PARG: variants seen among roughly 807,000 people sequenced by gnomAD.
The protein encoded by PARG is poly(ADP-ribose) glycohydrolase, also known as mitochondrial poly(ADP-ribose) glycohydrolase.
PARG carries 35 observed loss-of-function variants against 113.0 expected under a neutral mutation model. That is an observed-to-expected ratio of 0.31 (90% CI 0.24 to 0.41). The LOEUF (loss-of-function observed/expected upper bound fraction) is 0.41, where lower values mean the gene tolerates loss of function less well. Ranked by LOEUF, PARG falls within the 10% of genes least tolerant of loss-of-function variation. The probability of loss-of-function intolerance (pLI) is 1.00; values close to 1 mark genes in which losing one functional copy is unlikely to be tolerated. For missense variants in PARG, 797 were observed against 1,169.4 expected, an observed-to-expected ratio of 0.68 and a Z score of 4.64; for synonymous variants, 330 against 409.9, an observed-to-expected ratio of 0.81 and a Z score of 2.36.
At chr10:49,917,488 CAAAA>C (rs71026277) in intron 6 of PARG, among the ~76,000 whole-genome samples, 1 of 47,660 alleles carries the variant, frequency 2.1e-5, no homozygotes, top group Non-Finnish European at 4.4e-5. Flanking sequence ...GACTCCGTCT[CAAAA>C]AAAAAAAAAA....
intron 6 of PARG, among the ~76,000 whole-genome samples, 186 bp downstream of exon 6, chr10:49,922,150 A>T (rs1164618046): frequency 2.0e-5 from 3 of 152,232 alleles, no homozygotes; most frequent in African/African-American, 7.2e-5. Context: ...GCTCCAGGCA[A>T]GGCATTTGCA....
chr10:49,832,907 G>A lies in PARG; in HGVS notation c.2543C>T (p.Ala848Val). 1 of 1,519,990 alleles carries A rather than the reference G, an allele frequency of 6.6e-7. No homozygotes were observed. The highest frequency in any genetic ancestry group is 1.4e-5 in the African/African-American group (1 of 72,376). 94.2% of individuals were successfully genotyped at this position (1,519,990 alleles called of 1,614,324 possible). ...TCCAGGACGGAGAAATCCACAGTAAGCCTGCAGGATAAAAGAATTATCAAA... is the reference window on the plus strand; with the variant it reads ...TCCAGGACGGAGAAATCCACAGTAAACCTGCAGGATAAAAGAATTATCAAA... ...PEKMRRELNK[A>V]YCGFLRPGVS... Residue 848 changes from alanine to valine, a missense_variant and splice_region_variant, in exon 16 of 18, where the codon GCT becomes GTT. This residue lies in a region of PARG where 194 missense variants were observed against 247.1 expected (regional missense o/e 0.79). Transcript: ENST00000616448.
intron 16 of PARG, among the ~76,000 whole-genome samples, chr10:49,821,851 A>C (rs1554828709): frequency 6.6e-6 from 1 of 152,240 alleles, no homozygotes; most frequent in Non-Finnish European, 1.5e-5. Context: ...ACCACATTGA[A>C]GGGAAAGGAA....
chr10:49,881,549 T>C (rs1847216101), intron 8 of PARG, among the ~76,000 whole-genome samples: 1 of 152,132 alleles, frequency 6.6e-6, no homozygotes, highest in African/African-American at 2.4e-5. Flanking sequence ...ACTGCACTCA[T>C]CTCAAAATGG....
chr10:49,894,436 A>C (rs1847976383), intron 7 of PARG, among the ~76,000 whole-genome samples: 1 of 152,136 alleles, frequency 6.6e-6, no homozygotes, highest in African/African-American at 2.4e-5. Context: ...CATTAGCTAT[A>C]AAAGCTGTAG....
At chr10:49,822,628 G>C (rs1844159203) in intron 16 of PARG, among the ~76,000 whole-genome samples, 1 of 152,162 alleles carries the variant, frequency 6.6e-6, no homozygotes, top group Admixed American at 6.5e-5. Flanking sequence ...ATCATTAACA[G>C]ATGCCAAATC....
rs191947972 is a variant in PARG at position 49,923,645 on chromosome 10, C to A, written c.1456-976G>T. Among the ~76,000 whole-genome samples the A allele has an allele frequency of 4.7e-3, 719 of 152,038 alleles. 4 individuals are homozygous for A. The highest frequency in any genetic ancestry group is 0.017 in the Middle Eastern group (5 of 294). On this transcript the variant is annotated intron_variant, in intron 4 of 17. Transcript: ENST00000616448. ...ACTGCCTCTGTAAAATAATTGGAAG[C>A]AGCCGGCGCCAGGGAAAGGAGTCAC...
intron 16 of PARG, among the ~76,000 whole-genome samples, chr10:49,831,810 C>T (rs1588871222): frequency 6.6e-6 from 1 of 152,078 alleles, no homozygotes; most frequent in East Asian, 1.9e-4. Flanking sequence ...TTTCTGAGTT[C>T]TGTGAGTCAT....
At chr10:49,870,279 C>A (rs1846731572) in intron 9 of PARG, among the ~76,000 whole-genome samples, 1 of 150,750 alleles carries the variant, frequency 6.6e-6, no homozygotes, top group South Asian at 2.1e-4. Flanking sequence ...CATGTGAGGA[C>A]AAGATGCCAG....
intron 15 of PARG, among the ~76,000 whole-genome samples, chr10:49,840,176 G>A (rs1387823716): frequency 1.3e-5 from 2 of 152,082 alleles, no homozygotes; most frequent in East Asian, 3.9e-4. Flanking sequence ...GATCACTTGA[G>A]CCCAGGAGTT....
chr10:49,916,279 C>T (rs1837467782), intron 6 of PARG, among the ~76,000 whole-genome samples: 1 of 147,400 alleles, frequency 6.8e-6, no homozygotes, highest in Admixed American at 6.8e-5. Context: ...TCCAAATAGA[C>T]AAAAACTGGA....
intron 10 of PARG, among the ~76,000 whole-genome samples, chr10:49,865,619 T>A (rs1846470860): frequency 6.9e-6 from 1 of 145,876 alleles, no homozygotes; most frequent in African/African-American, 2.5e-5. Context: ...TAATAAGACT[T>A]CACTAAACGA....
chr10:49,929,503 C>A (rs1554909428), intron 4 of PARG, among the ~76,000 whole-genome samples: 3 of 152,274 alleles, frequency 2.0e-5, no homozygotes, highest in South Asian at 2.1e-4. Context: ...GACATAAAGT[C>A]ATTTAAAGTC....
At chr10:49,828,196 A>AATAT (rs1176743842) in intron 16 of PARG, among the ~76,000 whole-genome samples, 2 of 150,124 alleles carry the variant, frequency 1.3e-5, no homozygotes, top group African/African-American at 4.9e-5. Context: ...CTGAGTTTAT[A>AATAT]AGAGAGCTGA....
At position 49,884,246 on chromosome 10, in the gene PARG, T is replaced by C. The variant is rs551461201; in HGVS notation, c.1830+957A>G. ...TTGTTTTAAGCCATTAATTTTGACATAATTTGTTATGTAGCAATATATAAT... is the reference window on the plus strand; with the variant it reads ...TTGTTTTAAGCCATTAATTTTGACACAATTTGTTATGTAGCAATATATAAT... On this transcript the variant is annotated intron_variant, in intron 8 of 17. Transcript: ENST00000616448. 3.4e-4 allele frequency among the ~76,000 whole-genome samples: 52 copies of C among 152,314 alleles called. 2 individuals carry two copies. The South Asian group carries it at 0.011, about 32-fold the overall frequency.
chr10:49,922,194 C>G, intron 6 of PARG, 142 bp downstream of exon 6: 1 of 794,630 alleles, frequency 1.3e-6, no homozygotes, highest in Non-Finnish European at 2.0e-6. Flanking sequence ...AGTAGAATGT[C>G]TCTAAGGGGC....
rs1168244289 is a variant in PARG, at chr10:49,837,353, G to GT, written c.2542-4446dup. ...TACTTTTTCGCGTAGAAAAATGTGGGTTTTTTTTTTTTCTTTTCCTCCTTT... is the reference window on the plus strand; with the variant it reads ...TACTTTTTCGCGTAGAAAAATGTGGGTTTTTTTTTTTTTCTTTTCCTCCTTT... On this transcript the variant is annotated intron_variant, in intron 15 of 17. Transcript: ENST00000616448. 4.4e-3 allele frequency among the ~76,000 whole-genome samples: 642 copies of GT among 145,030 alleles called. 2 individuals carry two copies. The highest frequency in any genetic ancestry group is 7.1e-3 in the Middle Eastern group (2 of 280).
intron 10 of PARG, among the ~76,000 whole-genome samples, chr10:49,868,726 G>C (rs1351572384): frequency 6.6e-6 from 1 of 152,048 alleles, no homozygotes; most frequent in African/African-American, 2.4e-5. Context: ...TGTAGGAAAG[G>C]CTACCCATTG....
Position 49,819,492 on chromosome 10 carries a change from C to T in PARG, c.2779G>A (p.Asp927Asn). The change falls in exon 18 of 18, where the codon GAT becomes AAT. Residue 927 changes from aspartate to asparagine, a missense_variant and splice_region_variant. This residue lies in a region of PARG where 194 missense variants were observed against 247.1 expected (regional missense o/e 0.79). Transcript: ENST00000616448. ...TATCGTAGCAACAGCTTATACACAT[C>T]TCCTGGAGAGCAAAAGGTCAGACCA... Reference protein sequence around the residue: ...FLTERKLTVGDVYKLLLRYYN... With the variant: ...FLTERKLTVGNVYKLLLRYYN... The T allele has an allele frequency of 6.4e-7, 1 of 1,550,608 alleles. No individual in the cohort carries two copies. The highest frequency in any genetic ancestry group is 8.7e-7 in the Non-Finnish European group (1 of 1,146,100).
Sources: gnomAD v4.1 joint callset for allele counts (sites outside exome capture counted in the v4.1 genomes callset) on GRCh38, gnomAD v4.1.1 for gene constraint, gnomAD v4.1.1 regional missense constraint, MANE v1.5 for transcripts, NCBI Gene and HGNC (gene_info 2026-07-23, HGNC 2026-07-21) for gene names.